STAMBP: variants seen among roughly 807,000 people sequenced by gnomAD.
STAMBP encodes STAM-binding protein.
A neutral mutation model predicts 50.7 loss-of-function variants in STAMBP; 31 were observed. That is an observed-to-expected ratio of 0.61 (90% confidence interval 0.46 to 0.83). STAMBP has a LOEUF of 0.83. STAMBP is among the 40% of genes least tolerant of loss of function. STAMBP has a pLI of 0.00. For synonymous variants in STAMBP, 211 were observed against 192.4 expected (o/e 1.10, Z -0.80); for missense variants, 472 against 518.9 (o/e 0.91, Z 0.88).
rs974156898 is a variant in STAMBP, at chr2:73,866,614, T to C, written c.*4355T>C. On this transcript the variant is annotated 3_prime_UTR_variant, in exon 10 of 10. Transcript: ENST00000394070. ...CTCTATGTCACCTTGTAGGAAGCCA[T>C]CTGAATTTGACTCAGCATCATATGC... 1.3e-5 allele frequency: 2 copies of C among 152,172 alleles called. No homozygotes were observed. Among genetic ancestry groups the C allele is most frequent in the African/African-American group, 2.4e-5 (1 of 41,432 alleles). 9.4% of individuals were successfully genotyped at this position (152,172 alleles called of 1,614,324 possible). A position where few individuals can be genotyped will look rare whatever the true frequency, so the allele number is the denominator to read the frequency against.
Position 73,830,946 on chromosome 2 carries a change from CA to C in STAMBP, c.91del (p.Ile31PhefsTer62), listed in dbSNP as rs1416030541. The C allele has an allele frequency of 1.2e-6, 2 of 1,614,184 alleles. No homozygotes were observed. The highest frequency in any genetic ancestry group is 3.3e-5 in the Admixed American group (2 of 60,030). On this transcript the variant is annotated frameshift_variant, in exon 2 of 10. Transcript: ENST00000394070. LOFTEE classifies it high-confidence loss of function. Reference protein sequence around the residue: ...LGSAVEVNEDIPPRRYFRSGV... With the variant: ...LGSAVEVNEDXPPRRYFRSGV... ...GTAGTGCGGTAGAGGTGAATGAAGA[CA>C]TTCCACCCCGTCGGTACTTCCGCTC...
In STAMBP at chr2:73,859,365, G is replaced by C. The variant is rs754082943; in HGVS notation, c.1117G>C (p.Glu373Gln). The C allele has an allele frequency of 1.2e-6, 2 of 1,613,058 alleles. No homozygotes were observed. Among genetic ancestry groups the C allele is most frequent in the South Asian group, 2.2e-5 (2 of 91,064 alleles). ...VAIVCSPKFQ[E>Q]TGFFKLTDHG... is the part of the protein sequence containing the mutation. ...CATTGTTTGCTCCCCCAAGTTCCAG[G>C]AGTGAGTATAGAGGGCATGGTTCTG... is the stretch of plus-strand genomic sequence containing the variant. Residue 373 changes from glutamate (E) to glutamine (Q), a missense_variant and splice_region_variant, in exon 8 of 10, where the codon GAA (glutamate) becomes CAA (glutamine). Transcript: ENST00000394070.
chr2:73,840,782 A>C (rs544395025), intron 2 of STAMBP, among the ~76,000 whole-genome samples: 3 of 152,052 alleles, frequency 2.0e-5, no homozygotes, highest in Non-Finnish European at 2.9e-5. Context: ...AAAAATAAAT[A>C]GTACAAATTA....
intron 9 of STAMBP, among the ~76,000 whole-genome samples, chr2:73,861,030 G>A (rs1429882044): frequency 1.3e-5 from 2 of 152,182 alleles, no homozygotes; most frequent in Non-Finnish European, 2.9e-5. Context: ...TGACAAATCT[G>A]TTCAAAAATA....
downstream of STAMBP, among the ~76,000 whole-genome samples, chr2:73,871,745 T>C (rs1010754103): frequency 1.3e-5 from 2 of 152,138 alleles, no homozygotes; most frequent in African/African-American, 2.4e-5. Context: ...GGTTATAGCC[T>C]ATTGCCTTGG....
At position 73,850,550 on chromosome 2, in the gene STAMBP, C is replaced by T; in HGVS notation, c.1005+37C>T. On this transcript the variant is annotated intron_variant, in intron 7 of 9. Coordinates refer to ENST00000394070, the MANE Select transcript of STAMBP (RefSeq NM_213622.4). The surrounding 1 kb of genome is among the most constrained non-coding windows in gnomAD (Gnocchi z 4.3). ...TGAGCTGTCCGAGAGTTAGTCTCTG[C>T]CTCTCCCATGGTGGTATAAATACAT... The T allele has an allele frequency of 6.3e-7, 1 of 1,593,376 alleles. No individual in the cohort carries two copies. Among genetic ancestry groups the T allele is most frequent in the Non-Finnish European group, 8.6e-7 (1 of 1,169,552 alleles).
intron 7 of STAMBP, among the ~76,000 whole-genome samples, chr2:73,853,024 C>G (rs756374194): frequency 6.6e-6 from 1 of 151,458 alleles, no homozygotes; most frequent in Non-Finnish European, 1.5e-5. Flanking sequence ...TTGTGATCCT[C>G]GTGATTATAG....
Position 73,862,464 on chromosome 2 carries a change from C to A in STAMBP, c.*205C>A. 1 of 382,736 alleles carries A rather than the reference C, an allele frequency of 2.6e-6. No homozygotes were observed. The highest frequency in any genetic ancestry group is 4.7e-6 in the Non-Finnish European group (1 of 211,958). 23.7% of individuals were successfully genotyped at this position (382,736 alleles called of 1,614,324 possible). A position where few individuals can be genotyped will look rare whatever the true frequency, so the allele number is the denominator to read the frequency against. On this transcript the variant is annotated 3_prime_UTR_variant, in exon 10 of 10. Coordinates refer to ENST00000394070, the MANE Select transcript of STAMBP (RefSeq NM_213622.4). ...AGGCAAGTCAGAAAGAGAACATGGT[C>A]ACCCAAAAGCAACTGTAACTCAGAA...
At chr2:73,844,491 C>T (rs1027059769) in intron 2 of STAMBP, 4 of 175,814 alleles carry the variant, frequency 2.3e-5, no homozygotes, top group African/African-American at 7.1e-5. Context: ...AAACCTGTCA[C>T]GTCACAACAA....
chr2:73,849,348 C>A lies in STAMBP; in HGVS notation c.743-15C>A. 1 of 1,613,552 alleles carries A rather than the reference C, an allele frequency of 6.2e-7. No individual in the cohort carries two copies. Among genetic ancestry groups the A allele is most frequent in the South Asian group, 1.1e-5 (1 of 91,054 alleles). On this transcript the variant is annotated splice_polypyrimidine_tract_variant and intron_variant, in intron 5 of 9. Transcript: ENST00000394070. ...GGCTCAGTGGTCGCAGACTATTCTCCTTTCTCCTTTACAGTTCCCACAATC... is the reference window on the plus strand; with the variant it reads ...GGCTCAGTGGTCGCAGACTATTCTCATTTCTCCTTTACAGTTCCCACAATC...
Position 73,844,882 on chromosome 2 carries a change from A to G in STAMBP, c.273A>G (p.Thr91=), listed in dbSNP as rs762518692. 2.5e-5 allele frequency: 40 copies of G among 1,613,846 alleles called. No individual in the cohort carries two copies. The highest frequency in any genetic ancestry group is 3.3e-5 in the South Asian group (3 of 91,058). Residue 91 remains threonine, a synonymous_variant, in exon 3 of 10, where the codon ACA becomes ACG. Coordinates refer to ENST00000394070, the MANE Select transcript of STAMBP (RefSeq NM_213622.4). ...CTGTCATTCCTGAAAAGAAAGACACAGTAAAGGTGGGTCTTCACTTTCATT... is the reference window on the plus strand; with the variant it reads ...CTGTCATTCCTGAAAAGAAAGACACGGTAAAGGTGGGTCTTCACTTTCATT... ...KSAVIPEKKD[T]VKKLKEIAFP...
At chr2:73,867,604 C>G (rs777346976), downstream of STAMBP, among the ~76,000 whole-genome samples, 115 of 152,076 alleles carry the variant, frequency 7.6e-4, 2 homozygotes, top group Admixed American at 4.6e-4. Flanking sequence ...ATGAGAAAAA[C>G]TACATATATA....
rs542737068 is a variant in STAMBP at position 73,864,489 on chromosome 2, C to T, written c.*2230C>T. 6.6e-6 allele frequency: 1 copy of T among 152,286 alleles called. No homozygotes were observed. Among genetic ancestry groups the T allele is most frequent in the African/African-American group, 2.4e-5 (1 of 41,472 alleles). 9.4% of individuals were successfully genotyped at this position (152,286 alleles called of 1,614,324 possible). Reference sequence around the variant, plus strand: ...CTTCATCTTACCTCTGTGGAGGAGACGTGGAATCAAGCCAGCCCACAAGCC... The same window carrying T: ...CTTCATCTTACCTCTGTGGAGGAGATGTGGAATCAAGCCAGCCCACAAGCC... On this transcript the variant is annotated 3_prime_UTR_variant, in exon 10 of 10. Coordinates refer to ENST00000394070, the MANE Select transcript of STAMBP (RefSeq NM_213622.4).
At chr2:73,870,431 C>A (rs1181286931), downstream of STAMBP, 2 of 152,172 alleles carry the variant, frequency 1.3e-5, no homozygotes. Context: ...TCCTGGGTAC[C>A]CATCTGGGCT....
chr2:73,855,887 T>C (rs1677490124), intron 7 of STAMBP, among the ~76,000 whole-genome samples: 1 of 152,224 alleles, frequency 6.6e-6, no homozygotes, highest in South Asian at 2.1e-4. Flanking sequence ...CTCAGGAGAT[T>C]TGTTTTTTTG....
chr2:73,855,244 C>T (rs1011888347), intron 7 of STAMBP, among the ~76,000 whole-genome samples: 4 of 152,148 alleles, frequency 2.6e-5, no homozygotes, highest in African/African-American at 9.7e-5. Context: ...TCTTAGGTAC[C>T]CAGGCTGCCT....
chr2:73,855,499 A>T (rs1254583790), intron 7 of STAMBP: 1 of 420,502 alleles, frequency 2.4e-6, no homozygotes, highest in African/African-American at 2.0e-5. Flanking sequence ...ATGTCTCTTT[A>T]TTATCTTTCT....
At chr2:73,847,899 T>A (rs1676335437) in intron 5 of STAMBP, 146 bp downstream of exon 5, 1 of 1,080,108 alleles carries the variant, frequency 9.3e-7, no homozygotes, top group Non-Finnish European at 1.3e-6. Flanking sequence ...CTGTACTGTG[T>A]CCTAATACAC....
At chr2:73,835,247 G>C (rs115920572) in intron 2 of STAMBP, among the ~76,000 whole-genome samples, 1 of 151,562 alleles carries the variant, frequency 6.6e-6, no homozygotes, top group Non-Finnish European at 1.5e-5. Context: ...CCAGCTACCC[G>C]AGAGGCTGAG....
Sources: gnomAD v4.1 joint callset for allele counts (sites outside exome capture counted in the v4.1 genomes callset) on GRCh38, gnomAD v4.1.1 for gene constraint, Gnocchi (gnomAD v3.1) non-coding constraint, MANE v1.5 for transcripts, NCBI Gene and HGNC (gene_info 2026-07-23, HGNC 2026-07-21) for gene names.